RRM2: variants seen among roughly 807,000 people sequenced by gnomAD.
The protein encoded by RRM2 is ribonucleoside-diphosphate reductase subunit M2.
In RRM2, 6 loss-of-function variants were observed where a neutral mutation model predicts 45.9. The ratio of observed to expected loss-of-function variants is 0.13; its 90% CI spans 0.07 to 0.26. The LOEUF (loss-of-function observed/expected upper bound fraction) is 0.26, where lower values mean the gene tolerates loss of function less well. RRM2 is among the 10% of genes least tolerant of loss of function. The pLI is 1.00. For synonymous variants in RRM2, 177 were observed against 173.0 expected (o/e 1.02, Z -0.18); for missense variants, 343 against 489.5 (o/e 0.70, Z 2.82).
chr2:10,174,171 G>A (rs901022109), intron 3 of RRM2, among the ~76,000 whole-genome samples: 3 of 152,198 alleles, frequency 2.0e-5, no homozygotes. Context: ...TCCCACCCAG[G>A]AGGAGCCCTT....
intron 3 of RRM2, among the ~76,000 whole-genome samples, chr2:10,170,561 C>T (rs140763358): frequency 8.0e-4 from 122 of 152,246 alleles, no homozygotes; most frequent in African/African-American, 2.6e-3. Context: ...GCCAAGGAGG[C>T]GCCTGGGCAG....
At chr2:10,206,338 A>G (rs1052673138) in intron 3 of RRM2, among the ~76,000 whole-genome samples, 2 of 152,174 alleles carry the variant, frequency 1.3e-5, no homozygotes, top group African/African-American at 2.4e-5. Flanking sequence ...AAAGGTATCT[A>G]TCTGCATAAA....
rs71391198 is a variant in RRM2, at chr2:10,157,016, CTT to C, written n.482+14663_482+14664del. 1.0e-4 allele frequency among the ~76,000 whole-genome samples: 9 copies of C among 85,934 alleles called. 1 individual carries two copies. The Admixed American group carries it at 1.2e-3, about 11-fold the overall frequency. 56.4% of individuals were successfully genotyped at this position (85,934 alleles called of 152,430 possible). On this transcript the variant is annotated intron_variant and non_coding_transcript_variant, in intron 3 of 3. Coordinates refer to the RRM2 transcript ENST00000381786. ...GGGAGTTTCTGAGCTCAGCCCATTT[CTT>C]TTTTTTTTTTTTTTTTTTTTTGAGA...
chr2:10,168,358 T>G (rs4669546), intron 3 of RRM2, among the ~76,000 whole-genome samples: 8,023 of 152,118 alleles, frequency 0.053, 201 homozygotes, highest in Middle Eastern at 0.088. Flanking sequence ...TCGAGAGATC[T>G]CCTCCATCTT....
At chr2:10,137,808 G>A (rs1348675003), upstream of RRM2, among the ~76,000 whole-genome samples, 1 of 152,154 alleles carries the variant, frequency 6.6e-6, no homozygotes, top group African/African-American at 2.4e-5. Context: ...ACTTCAGGGG[G>A]GTCTAGCCTC....
Position 10,147,285 on chromosome 2 carries a change from G to T in RRM2, n.482+4910G>T, listed in dbSNP as rs868422939. ...TATTTAAAGATAAGGGTTTTTTTTT[G>T]TTTTGTTTTGTTTTTGAGACAGAAT... On this transcript the variant is annotated intron_variant and non_coding_transcript_variant, in intron 3 of 3. Coordinates refer to the RRM2 transcript ENST00000381786. 3.5e-4 allele frequency among the ~76,000 whole-genome samples: 52 copies of T among 150,426 alleles called. 2 individuals are homozygous for T. The Middle Eastern group carries it at 0.01, about 30-fold the overall frequency.
rs1294409984 is a variant in RRM2, at chr2:10,204,118, T to G, written n.483-6193T>G. Among the ~76,000 whole-genome samples, 1 of 152,028 alleles carries G rather than the reference T, an allele frequency of 6.6e-6. No individual in the cohort carries two copies. The highest frequency in any genetic ancestry group is 1.5e-5 in the Non-Finnish European group (1 of 68,034). ...TAGCCAAGAGTGGGTTTCTGTTGCT[T>G]GCATCCCAACTACCATCATTGGGAC... On this transcript the variant is annotated intron_variant and non_coding_transcript_variant, in intron 3 of 3. Transcript: ENST00000381786. This position sits in a 1 kb window ranked among gnomAD's most constrained non-coding sequence, Gnocchi z 4.0.
intron 3 of RRM2, among the ~76,000 whole-genome samples, chr2:10,190,812 A>G (rs537561567): frequency 6.7e-6 from 1 of 149,840 alleles, no homozygotes; most frequent in East Asian, 2.0e-4. Context: ...GGTGGTGATG[A>G]GTGTGATGAT....
At chr2:10,186,753 A>G (rs968495072) in intron 3 of RRM2, among the ~76,000 whole-genome samples, 1 of 152,130 alleles carries the variant, frequency 6.6e-6, no homozygotes, top group African/African-American at 2.4e-5. Flanking sequence ...CTTACTTACC[A>G]CTTATTACTT....
rs986914613 is a variant in RRM2 at position 10,204,966 on chromosome 2, C to T, written n.483-5345C>T. ...TGGTCCCTGGTGGTCCCCAGGAGCA[C>T]GGCTCTAACACAGCCGAGGCATAGT... On this transcript the variant is annotated intron_variant and non_coding_transcript_variant, in intron 3 of 3. Transcript: ENST00000381786. This position sits in a 1 kb window ranked among gnomAD's most constrained non-coding sequence, Gnocchi z 4.0. Among the ~76,000 whole-genome samples, 2 of 152,206 alleles carry T rather than the reference C, an allele frequency of 1.3e-5. No individual in the cohort carries two copies. Among genetic ancestry groups the T allele is most frequent in the Non-Finnish European group, 2.9e-5 (2 of 68,036 alleles).
chr2:10,132,148 G>A (rs1662914491), downstream of RRM2, among the ~76,000 whole-genome samples: 1 of 152,124 alleles, frequency 6.6e-6, no homozygotes, highest in South Asian at 2.1e-4. Context: ...ATCCCCAAAC[G>A]AACCAATCAT....
At position 10,204,874 on chromosome 2, in the gene RRM2, C is replaced by T. The variant is rs749315520; in HGVS notation, n.483-5437C>T. Among the ~76,000 whole-genome samples, 6 of 152,166 alleles carry T rather than the reference C, an allele frequency of 3.9e-5. No individual in the cohort carries two copies. Among genetic ancestry groups the T allele is most frequent in the Non-Finnish European group, 8.8e-5 (6 of 68,050 alleles). ...GATGTCGTCATGTGCCACTAACAGG[C>T]GTCGCCAAGACCAGCCAGGTGCAGA... On this transcript the variant is annotated intron_variant and non_coding_transcript_variant, in intron 3 of 3. Coordinates refer to the RRM2 transcript ENST00000381786. This position sits in a 1 kb window ranked among gnomAD's most constrained non-coding sequence, Gnocchi z 4.0.
chr2:10,173,107 A>C (rs1663836225), intron 3 of RRM2, among the ~76,000 whole-genome samples: 2 of 152,048 alleles, frequency 1.3e-5, no homozygotes, highest in Admixed American at 1.3e-4. Context: ...TCGACAAGTG[A>C]CTTAAACACT....
At chr2:10,139,110 AAAAT>A (rs1208812539), upstream of RRM2, among the ~76,000 whole-genome samples, 1 of 152,200 alleles carries the variant, frequency 6.6e-6, no homozygotes, top group Non-Finnish European at 1.5e-5. Context: ...TGACTCAAAA[AAAAT>A]AAAGGGTGTG....
At chr2:10,209,150 T>C (rs188141930) in intron 3 of RRM2, among the ~76,000 whole-genome samples, 164 of 151,368 alleles carry the variant, frequency 1.1e-3, no homozygotes, top group Middle Eastern at 6.8e-3. Flanking sequence ...CTCTGCCTCC[T>C]GGGTTCAAGC....
chr2:10,183,290 C>G (rs1376598210), intron 3 of RRM2, among the ~76,000 whole-genome samples: 1 of 152,222 alleles, frequency 6.6e-6, no homozygotes, highest in Non-Finnish European at 1.5e-5. Context: ...GATTTTATGT[C>G]CCTCAGGACT....
At chr2:10,144,161 G>A (rs1296415123) in intron 3 of RRM2, among the ~76,000 whole-genome samples, 2 of 152,186 alleles carry the variant, frequency 1.3e-5, no homozygotes, top group Non-Finnish European at 2.9e-5. Flanking sequence ...AAATGAATGT[G>A]GAAGACTGAA....
chr2:10,162,691 C>A (rs1663590610), intron 3 of RRM2, among the ~76,000 whole-genome samples: 1 of 151,708 alleles, frequency 6.6e-6, no homozygotes, highest in African/African-American at 2.4e-5. Flanking sequence ...CCGCCCCCCA[C>A]CCCCCTGCCG....
intron 3 of RRM2, among the ~76,000 whole-genome samples, chr2:10,206,078 G>C (rs1460927686): frequency 2.0e-5 from 3 of 151,844 alleles, no homozygotes; most frequent in Non-Finnish European, 4.4e-5. Flanking sequence ...AACCCTGTCT[G>C]TACTAAAAAT....
Sources: allele counts gnomAD v4.1 joint callset (sites outside exome capture counted in the v4.1 genomes callset), GRCh38; gene constraint gnomAD v4.1.1; non-coding constraint Gnocchi (gnomAD v3.1); transcripts MANE v1.5; gene names NCBI Gene and HGNC (gene_info 2026-07-23, HGNC 2026-07-21).